TBC1D14: variants seen among roughly 807,000 people sequenced by gnomAD.
The protein encoded by TBC1D14 is TBC1 domain family, member 14.
In TBC1D14, 26 loss-of-function variants were observed where a neutral mutation model predicts 79.0. The ratio of observed to expected loss-of-function variants is 0.33; its 90% confidence interval spans 0.24 to 0.46. The LOEUF is 0.46. Among genes scored for constraint, TBC1D14 ranks in the 20% least tolerant of loss-of-function variants. TBC1D14 has a pLI of 1.00. For synonymous variants in TBC1D14, 394 were observed against 349.9 expected, an observed-to-expected ratio of 1.13 and a Z score of -1.40; for missense variants, 769 against 887.6, an observed-to-expected ratio of 0.87 and a Z score of 1.70.
chr4:6,928,963 A>G (rs770122329), intron 2 of TBC1D14, among the ~76,000 whole-genome samples: 6 of 152,188 alleles, frequency 3.9e-5, no homozygotes, highest in Non-Finnish European at 8.8e-5. Flanking sequence ...GCCATCTTAG[A>G]ATTAGCTCTA....
At chr4:6,913,669 T>C (rs1214966725) in intron 1 of TBC1D14, among the ~76,000 whole-genome samples, 1 of 152,246 alleles carries the variant, frequency 6.6e-6, no homozygotes, top group Non-Finnish European at 1.5e-5. Context: ...ATTTCTCTTA[T>C]GAATAATTAA....
At chr4:6,947,464 C>T (rs533050333) in intron 2 of TBC1D14, among the ~76,000 whole-genome samples, 51 of 149,742 alleles carry the variant, frequency 3.4e-4, no homozygotes, top group African/African-American at 1.1e-3. Flanking sequence ...TGCCACTGCA[C>T]TCCAGCCTGG....
chr4:6,974,100 A>G (rs532282865), intron 3 of TBC1D14, among the ~76,000 whole-genome samples: 1 of 151,978 alleles, frequency 6.6e-6, no homozygotes, highest in African/African-American at 2.4e-5. Flanking sequence ...CTGGGATTAC[A>G]GACATGAGCC....
chr4:7,007,767 CAG>C, intron 9 of TBC1D14: 1 of 373,868 alleles, frequency 2.7e-6, no homozygotes, highest in Middle Eastern at 1.0e-3. Flanking sequence ...CCATAGGCCT[CAG>C]TGCACTCCAT....
At chr4:6,911,351 C>A (rs772190405) in intron 1 of TBC1D14, among the ~76,000 whole-genome samples, 3 of 152,246 alleles carry the variant, frequency 2.0e-5, no homozygotes, top group Non-Finnish European at 4.4e-5. Context: ...GACAGAGTAA[C>A]TGGCTGGGAG....
At chr4:6,938,324 G>T (rs1712547698) in intron 2 of TBC1D14, among the ~76,000 whole-genome samples, 1 of 152,148 alleles carries the variant, frequency 6.6e-6, no homozygotes, top group Admixed American at 6.5e-5. Flanking sequence ...CCTGCCCTTG[G>T]GTGGACATAA....
At chr4:6,985,930 T>C (rs1717778228) in intron 3 of TBC1D14, among the ~76,000 whole-genome samples, 2 of 152,344 alleles carry the variant, frequency 1.3e-5, no homozygotes, top group Middle Eastern at 3.4e-3. Context: ...ATTGTAAGTG[T>C]TCCACGATTT....
chr4:6,984,633 C>T (rs917926407), intron 3 of TBC1D14, among the ~76,000 whole-genome samples: 2 of 152,210 alleles, frequency 1.3e-5, no homozygotes, highest in African/African-American at 2.4e-5. Context: ...TCACAGCCCC[C>T]GTTACAGGAG....
intron 12 of TBC1D14, among the ~76,000 whole-genome samples, chr4:7,018,523 G>A (rs1721500779): frequency 6.6e-6 from 1 of 152,238 alleles, no homozygotes; most frequent in African/African-American, 2.4e-5. Context: ...TGTCCCCAGT[G>A]CCTGGCCCCA....
intron 3 of TBC1D14, among the ~76,000 whole-genome samples, chr4:6,980,974 C>A (rs924577542): frequency 4.0e-5 from 6 of 151,622 alleles, no homozygotes; most frequent in Non-Finnish European, 7.4e-5. Context: ...CTTGGCCTCC[C>A]AAAGTGCTGG....
intron 9 of TBC1D14, chr4:7,007,436 T>G: frequency 1.3e-6 from 1 of 755,418 alleles, no homozygotes; most frequent in South Asian, 1.6e-5. Flanking sequence ...GATCCCTTTC[T>G]TATCTATAAC....
intron 12 of TBC1D14, among the ~76,000 whole-genome samples, chr4:7,018,670 C>G (rs914143428): frequency 2.6e-5 from 4 of 152,256 alleles, no homozygotes; most frequent in Admixed American, 2.6e-4. Flanking sequence ...CGCTGTCCTT[C>G]CAACACCGCC....
At chr4:6,952,331 C>A (rs1289058503) in intron 2 of TBC1D14, among the ~76,000 whole-genome samples, 1 of 152,176 alleles carries the variant, frequency 6.6e-6, no homozygotes, top group Non-Finnish European at 1.5e-5. Context: ...CGCTGCTGGT[C>A]CAGATTCCCC....
chr4:7,026,580 C>T (rs1722399049), intron 13 of TBC1D14, among the ~76,000 whole-genome samples: 1 of 152,116 alleles, frequency 6.6e-6, no homozygotes, highest in South Asian at 2.1e-4. Context: ...CCCTCTCTTG[C>T]TTGCCTTTAT....
chr4:6,999,117 C>T lies in TBC1D14; in HGVS notation c.1078C>T (p.Leu360=). ...LKEAQRRKKQ[L]EERCRVEESI... ...AGAAGCCCAGCGAAGGAAGAAGCAG[C>T]TGGAAGAAAGATGCAGAGTCGAGGA... The change falls in exon 6 of 14, where the codon CTG becomes TTG. Residue 360 remains leucine, a synonymous_variant. Transcript: ENST00000409757. The T allele has an allele frequency of 6.2e-7, 1 of 1,614,140 alleles. No individual in the cohort carries two copies. Among genetic ancestry groups the T allele is most frequent in the Non-Finnish European group, 8.5e-7 (1 of 1,180,000 alleles).
chr4:6,993,870 C>T (rs1718746699), intron 3 of TBC1D14, among the ~76,000 whole-genome samples: 1 of 152,070 alleles, frequency 6.6e-6, no homozygotes, highest in Admixed American at 6.6e-5. Context: ...ATTAGCCAGC[C>T]GTGGTGGTGA....
At chr4:6,960,681 A>AGCC (rs1208113133) in intron 2 of TBC1D14, among the ~76,000 whole-genome samples, 1 of 152,222 alleles carries the variant, frequency 6.6e-6, no homozygotes, top group Non-Finnish European at 1.5e-5. Context: ...CAGCATGATG[A>AGCC]GCTGCACCTT....
rs534605304 is a variant in TBC1D14, at chr4:6,923,471, C to G, written c.82C>G (p.Gln28Glu). 1.9e-5 allele frequency: 31 copies of G among 1,614,208 alleles called. No homozygotes were observed. The highest frequency in any genetic ancestry group is 2.5e-5 in the Non-Finnish European group (30 of 1,180,036). ...ILDGRPGNPL[Q>E]NLQHVNLKAP... Reference sequence around the variant, plus strand: ...GGATGGTCGACCAGGAAACCCCCTTCAGAACCTGCAACACGTCAATCTCAA... The same window carrying G: ...GGATGGTCGACCAGGAAACCCCCTTGAGAACCTGCAACACGTCAATCTCAA... Residue 28 changes from glutamine to glutamate, a missense_variant, in exon 2 of 14, where the codon CAG (glutamine) becomes GAG (glutamate). Gln to Glu is a conservative substitution (Grantham distance 29, BLOSUM62 2). Coordinates refer to ENST00000409757, the MANE Select transcript of TBC1D14 (RefSeq NM_020773.3).
intron 3 of TBC1D14, among the ~76,000 whole-genome samples, chr4:6,975,759 G>C (rs1254356659): frequency 6.6e-6 from 1 of 152,168 alleles, no homozygotes; most frequent in Non-Finnish European, 1.5e-5. Flanking sequence ...GAATGGAGAT[G>C]GTAGAGGAAA....
Sources: gnomAD v4.1 joint callset for allele counts (sites outside exome capture counted in the v4.1 genomes callset) on GRCh38, gnomAD v4.1.1 for gene constraint, MANE v1.5 for transcripts, NCBI Gene and HGNC (gene_info 2026-07-23, HGNC 2026-07-21) for gene names.